Variants in PNPLA7 observed in about 807,000 individuals in gnomAD.
PNPLA7 encodes patatin-like phospholipase domain-containing protein 7.
Under a neutral mutation model 161.7 loss-of-function variants are expected in PNPLA7, and 153 were observed. The ratio of observed to expected loss-of-function variants is 0.95; its 90% confidence interval spans 0.83 to 1.08. The LOEUF (loss-of-function observed/expected upper bound fraction) is 1.08, where lower values mean the gene tolerates loss of function less well. PNPLA7 is among the 50% of genes least tolerant of loss of function. The pLI is 0.00. For synonymous variants in PNPLA7, 809 were observed against 782.1 expected, an observed-to-expected ratio of 1.03 and a Z score of -0.57; for missense variants, 1,739 against 1,856.6, an observed-to-expected ratio of 0.94 and a Z score of 1.16.
chr9:137,510,385 G>C (rs1029924139), intron 12 of PNPLA7, among the ~76,000 whole-genome samples: 12 of 152,308 alleles, frequency 7.9e-5, no homozygotes, highest in African/African-American at 2.6e-4. Flanking sequence ...CTTCTAGATA[G>C]CAGTAGTAAA....
chr9:137,491,946 T>C (rs1832783129), intron 20 of PNPLA7: 3 of 985,392 alleles, frequency 3.0e-6, no homozygotes, highest in East Asian at 1.1e-4. Context: ...GAGACGGAGA[T>C]GCAGGACACG....
At chr9:137,474,226 G>A (rs1268372073) in intron 25 of PNPLA7, among the ~76,000 whole-genome samples, 5 of 152,126 alleles carry the variant, frequency 3.3e-5, no homozygotes, top group African/African-American at 7.2e-5. Flanking sequence ...GCGACAAAGC[G>A]AGACCCCGTC....
Position 137,462,159 on chromosome 9 carries a change from C to T in PNPLA7, c.3645+20G>A, listed in dbSNP as rs771818523. Reference sequence around the variant, plus strand: ...GAGTGCCTCCGCCCGCCTCCGCCGCCGCGGGTGGCCGGCACTCACGCAGAT... The same window carrying T: ...GAGTGCCTCCGCCCGCCTCCGCCGCTGCGGGTGGCCGGCACTCACGCAGAT... On this transcript the variant is annotated intron_variant, in intron 31 of 34. Transcript: ENST00000406427. 1.0e-5 allele frequency: 16 copies of T among 1,551,914 alleles called. No homozygotes were observed. In the East Asian group the frequency reaches 1.6e-4, roughly 16 times the overall value.
chr9:137,498,349 C>G, intron 16 of PNPLA7, 104 bp from the exon 17 acceptor site: 1 of 1,508,708 alleles, frequency 6.6e-7, no homozygotes, highest in Non-Finnish European at 8.9e-7. Context: ...CCCCACCCCA[C>G]CCGGAAAGTA....
At position 137,500,559 on chromosome 9, in the gene PNPLA7, CG is replaced by C; in HGVS notation, c.1757+131del. On this transcript the variant is annotated intron_variant, in intron 16 of 34. Coordinates refer to ENST00000406427, the MANE Select transcript of PNPLA7 (RefSeq NM_001098537.3). The surrounding 1 kb of genome is among the most constrained non-coding windows in gnomAD (Gnocchi z 5.5). ...CACAGACCTGGGCCCACACAGGTGC[CG>C]GGGACAAAGAGGGGAGCCCGAGAAG... 1.2e-6 allele frequency: 1 copy of C among 854,874 alleles called. No homozygotes were observed. Among genetic ancestry groups the C allele is most frequent in the Non-Finnish European group, 1.8e-6 (1 of 557,890 alleles). The allele number at this position is 854,874 out of a possible 1,614,324, so 53.0% of individuals were successfully genotyped here.
chr9:137,545,329 G>A lies in PNPLA7; in HGVS notation c.273+1501C>T, dbSNP rs190061705. ...GAACTCAGCCCCTCAAATCCCAGGG[G>A]ATGGACTCTGTCCTCAGCTCAGCAT... On this transcript the variant is annotated intron_variant, in intron 4 of 34. Transcript: ENST00000406427. 3.9e-5 allele frequency among the ~76,000 whole-genome samples: 6 copies of A among 152,254 alleles called. No homozygotes were observed. In the East Asian group the frequency reaches 9.7e-4, roughly 25 times the overall value.
chr9:137,481,413 C>T (rs892842602), intron 21 of PNPLA7, among the ~76,000 whole-genome samples: 2 of 152,204 alleles, frequency 1.3e-5, no homozygotes, highest in Non-Finnish European at 2.9e-5. Context: ...CCCAGATCAT[C>T]GAGGTGCCAG....
rs546711221 is a variant in PNPLA7, at chr9:137,499,913, C to T, written c.1757+778G>A. 6.7e-4 allele frequency among the ~76,000 whole-genome samples: 102 copies of T among 152,362 alleles called. No homozygotes were observed. Among genetic ancestry groups the T allele is most frequent in the South Asian group, 1.2e-3 (6 of 4,834 alleles). Reference sequence around the variant, plus strand: ...AGCAGACATCTGGCCTATGAGGGTGCGGAGGACTTCCAGAAAACACACACA... The same window carrying T: ...AGCAGACATCTGGCCTATGAGGGTGTGGAGGACTTCCAGAAAACACACACA... On this transcript the variant is annotated intron_variant, in intron 16 of 34. Transcript: ENST00000406427. The surrounding 1 kb of genome is among the most constrained non-coding windows in gnomAD (Gnocchi z 5.5).
intron 19 of PNPLA7, among the ~76,000 whole-genome samples, chr9:137,494,654 CGCCCTCACCTGT>C (rs1832945011): frequency 7.1e-6 from 1 of 141,408 alleles, no homozygotes; most frequent in African/African-American, 2.7e-5. Flanking sequence ...ACCTGCTCCG[CGCCCTCACCTGT>C]GCCCTGCCCT....
At chr9:137,504,585 A>C (rs1833811160) in intron 14 of PNPLA7, among the ~76,000 whole-genome samples, 1 of 152,168 alleles carries the variant, frequency 6.6e-6, no homozygotes, top group Non-Finnish European at 1.5e-5. Context: ...TCTGTACAAC[A>C]AGAAACCACT....
chr9:137,527,269 C>CAA (rs1278081786), intron 8 of PNPLA7, among the ~76,000 whole-genome samples: 2 of 117,626 alleles, frequency 1.7e-5, no homozygotes, highest in Admixed American at 9.0e-5. Flanking sequence ...CTCCGACTCA[C>CAA]AAAAAAAAAA....
At chr9:137,516,933 A>G (rs1051788162) in intron 11 of PNPLA7, among the ~76,000 whole-genome samples, 1 of 151,846 alleles carries the variant, frequency 6.6e-6, no homozygotes, top group African/African-American at 2.4e-5. Context: ...GGGTCTCACA[A>G]GCACACATGA....
At chr9:137,497,462 T>A (rs1833126580) in intron 17 of PNPLA7, 152 bp from the exon 18 acceptor site, 5 of 733,596 alleles carry the variant, frequency 6.8e-6, no homozygotes, top group Non-Finnish European at 5.8e-6. Flanking sequence ...TTTTTTATTT[T>A]AAAATATTTA....
intron 8 of PNPLA7, among the ~76,000 whole-genome samples, chr9:137,531,863 ACCTG>A (rs1172776275): frequency 4.6e-5 from 7 of 152,160 alleles, no homozygotes; most frequent in Non-Finnish European, 7.3e-5. Context: ...TGTGCATCTA[ACCTG>A]TGTTCTAGCT....
chr9:137,536,437 C>G (rs1480242104), intron 8 of PNPLA7, among the ~76,000 whole-genome samples: 2 of 151,938 alleles, frequency 1.3e-5, no homozygotes, highest in African/African-American at 4.8e-5. Flanking sequence ...GGGGCGCTTC[C>G]CAGAGCAAAA....
At chr9:137,514,425 C>T (rs1588652316) in intron 12 of PNPLA7, among the ~76,000 whole-genome samples, 2 of 131,730 alleles carry the variant, frequency 1.5e-5, no homozygotes, top group South Asian at 4.9e-4. Flanking sequence ...TGTTGATGTG[C>T]CGGGGCCCTG....
At chr9:137,515,078 G>A (rs983591724) in intron 12 of PNPLA7, among the ~76,000 whole-genome samples, 1 of 152,158 alleles carries the variant, frequency 6.6e-6, no homozygotes, top group African/African-American at 2.4e-5. Context: ...AGGGAGGGCG[G>A]GAAGGGCCGA....
rs1229280015 is a variant in PNPLA7, at chr9:137,541,346, G to C, written c.667-624C>G. The C allele has an allele frequency of 4.5e-6, 4 of 886,452 alleles. No homozygotes were observed. The African/African-American group carries it at 5.4e-5, about 12-fold the overall frequency. The allele number at this position is 886,452 out of a possible 1,614,324, so 54.9% of individuals were successfully genotyped here. On this transcript the variant is annotated intron_variant, in intron 7 of 34. Transcript: ENST00000406427. The surrounding 1 kb of genome is among the most constrained non-coding windows in gnomAD (Gnocchi z 4.4). ...GCGGCCTCATCCCCAGGAGCTACTG[G>C]CTCCAGCTTCCCCCAAGCCCCTTTC...
intron 18 of PNPLA7, 137 bp downstream of exon 18, chr9:137,497,050 G>A (rs1263178579): frequency 8.6e-7 from 1 of 1,162,680 alleles, no homozygotes. Flanking sequence ...CAAAGCGGCT[G>A]CGGGGCATCA....
Sources: gnomAD v4.1 joint callset for allele counts (sites outside exome capture counted in the v4.1 genomes callset) on GRCh38, gnomAD v4.1.1 for gene constraint, Gnocchi (gnomAD v3.1) non-coding constraint, MANE v1.5 for transcripts, NCBI Gene and HGNC (gene_info 2026-07-23, HGNC 2026-07-21) for gene names.